The following MTMR7 variants were observed in gnomAD, a reference collection of about 807,000 sequenced individuals.
The protein encoded by MTMR7 is phosphatidylinositol-3-phosphate phosphatase MTMR7.
A neutral mutation model predicts 81.2 loss-of-function variants in MTMR7; 76 were observed. The observed-to-expected ratio is 0.94, with a 90% CI of 0.78 to 1.13. MTMR7 has a LOEUF of 1.13. Among genes scored for constraint, MTMR7 ranks in the 50% most tolerant of loss-of-function variants. The pLI is 0.00. For missense variants in MTMR7, 1,044 were observed against 820.0 expected, an observed-to-expected ratio of 1.27 and a Z score of -3.34; for synonymous variants, 372 against 289.8, an observed-to-expected ratio of 1.28 and a Z score of -2.88.
intron 3 of MTMR7, among the ~76,000 whole-genome samples, chr8:17,362,662 C>T (rs905982997): frequency 2.6e-5 from 4 of 152,196 alleles, no homozygotes; most frequent in Non-Finnish European, 5.9e-5. Flanking sequence ...CTTCCTTCCT[C>T]GTTCCAGGCC....
intron 1 of MTMR7, among the ~76,000 whole-genome samples, chr8:17,391,588 T>A (rs1355371587): frequency 6.6e-6 from 1 of 152,122 alleles, no homozygotes; most frequent in Non-Finnish European, 1.5e-5. Flanking sequence ...TCCGTTTAGC[T>A]TAAAAGGCAG....
chr8:17,337,145 G>A (rs1314996586), intron 6 of MTMR7, among the ~76,000 whole-genome samples: 3 of 152,152 alleles, frequency 2.0e-5, no homozygotes, highest in African/African-American at 7.2e-5. Context: ...GCCGAGAAGG[G>A]CGGATCACCT....
intron 10 of MTMR7, among the ~76,000 whole-genome samples, chr8:17,306,420 C>T (rs1019927061): frequency 6.6e-6 from 1 of 151,770 alleles, no homozygotes; most frequent in African/African-American, 2.4e-5. Flanking sequence ...TCCCAAGTTG[C>T]CAAGAATATT....
At chr8:17,412,408 A>T (rs1161577470) in intron 1 of MTMR7, among the ~76,000 whole-genome samples, 3 of 152,210 alleles carry the variant, frequency 2.0e-5, no homozygotes, top group Non-Finnish European at 4.4e-5. Flanking sequence ...GGTAGTAACA[A>T]CAGACAGCCA....
intron 5 of MTMR7, among the ~76,000 whole-genome samples, chr8:17,342,379 C>G (rs1490866425): frequency 6.6e-6 from 1 of 152,190 alleles, no homozygotes; most frequent in Non-Finnish European, 1.5e-5. Flanking sequence ...AGAATGCAGG[C>G]AGTGACAGAA....
At chr8:17,304,643 C>T in intron 11 of MTMR7, 124 bp from the exon 12 acceptor site, 1 of 935,938 alleles carries the variant, frequency 1.1e-6, no homozygotes. Context: ...TGTTCGATAG[C>T]AGGTAAATGT....
At chr8:17,319,778 C>G (rs757763617) in intron 7 of MTMR7, among the ~76,000 whole-genome samples, 28 of 152,166 alleles carry the variant, frequency 1.8e-4, no homozygotes, top group Non-Finnish European at 3.5e-4. Flanking sequence ...TGGCTCCAGT[C>G]TGGCTCTTAA....
At chr8:17,385,187 T>A (rs1820891294) in intron 1 of MTMR7, among the ~76,000 whole-genome samples, 1 of 152,152 alleles carries the variant, frequency 6.6e-6, no homozygotes, top group Non-Finnish European at 1.5e-5. Context: ...AAATTTCACG[T>A]CAAATTGTAA....
chr8:17,371,321 A>G (rs1260122434), intron 2 of MTMR7, 122 bp from the exon 3 acceptor site: 2 of 1,085,898 alleles, frequency 1.8e-6, no homozygotes, highest in Admixed American at 2.5e-5. Context: ...AGCTAGCTCA[A>G]CCCTTGCGTT....
rs1348242630 is a variant in MTMR7, at chr8:17,360,275, C to T, written c.468+842G>A. Among the ~76,000 whole-genome samples the T allele has an allele frequency of 2.0e-5, 3 of 152,124 alleles. No homozygotes were observed. The East Asian group carries it at 5.8e-4, about 29-fold the overall frequency. ...CATTAAAATCCCAGAAGACTATTGG[C>T]CAGATATAATAACAGTGGCTATCTC... On this transcript the variant is annotated intron_variant, in intron 4 of 13. Transcript: ENST00000180173.
At chr8:17,301,995 T>G in intron 13 of MTMR7, 159 bp downstream of exon 13, 1 of 901,464 alleles carries the variant, frequency 1.1e-6, no homozygotes, top group Non-Finnish European at 1.6e-6. Flanking sequence ...TGGGCTTCGG[T>G]TATCTGAGTC....
At chr8:17,410,668 T>C (rs1267710896) in intron 1 of MTMR7, among the ~76,000 whole-genome samples, 2 of 152,204 alleles carry the variant, frequency 1.3e-5, no homozygotes, top group Non-Finnish European at 2.9e-5. Flanking sequence ...CAGTTAAACA[T>C]ACATGCACCC....
At chr8:17,369,844 G>A (rs1030745930) in intron 3 of MTMR7, among the ~76,000 whole-genome samples, 2 of 151,514 alleles carry the variant, frequency 1.3e-5, no homozygotes, top group Non-Finnish European at 2.9e-5. Flanking sequence ...ACGGGGTTTC[G>A]CCGTCTTAGC....
chr8:17,389,250 G>C (rs899844739), intron 1 of MTMR7, among the ~76,000 whole-genome samples: 1 of 152,082 alleles, frequency 6.6e-6, no homozygotes, highest in Non-Finnish European at 1.5e-5. Context: ...TCACTACTTG[G>C]TTTCTACTTA....
chr8:17,369,676 C>T (rs1287555376), intron 3 of MTMR7, among the ~76,000 whole-genome samples: 2 of 118,306 alleles, frequency 1.7e-5, no homozygotes, highest in South Asian at 2.8e-4. Context: ...AACAGAGTCT[C>T]GTTCTGTCAC....
chr8:17,323,469 G>A (rs1046882492), intron 7 of MTMR7, among the ~76,000 whole-genome samples: 3 of 152,100 alleles, frequency 2.0e-5, no homozygotes, highest in Admixed American at 2.0e-4. Flanking sequence ...GGAACTCCAA[G>A]CAAATGGCAC....
intron 7 of MTMR7, among the ~76,000 whole-genome samples, chr8:17,322,522 CA>C (rs1455913809): frequency 6.6e-6 from 1 of 152,038 alleles, no homozygotes; most frequent in Admixed American, 6.6e-5. Flanking sequence ...AACTTTGCAA[CA>C]AATAAAAAAC....
intron 11 of MTMR7, among the ~76,000 whole-genome samples, chr8:17,304,939 G>C (rs1159023041): frequency 6.6e-6 from 1 of 152,094 alleles, no homozygotes; most frequent in African/African-American, 2.4e-5. Flanking sequence ...GAGAATAAGT[G>C]GTTTCCCAAA....
intron 6 of MTMR7, among the ~76,000 whole-genome samples, chr8:17,338,020 C>T (rs921221057): frequency 6.6e-6 from 1 of 152,198 alleles, no homozygotes; most frequent in Admixed American, 6.5e-5. Context: ...GGGTCCACAC[C>T]TTCTAGAGCA....
Sources: allele counts gnomAD v4.1 joint callset (sites outside exome capture counted in the v4.1 genomes callset), GRCh38; gene constraint gnomAD v4.1.1; transcripts MANE v1.5; gene names NCBI Gene and HGNC (gene_info 2026-07-23, HGNC 2026-07-21).